Variants in ANKFN1 observed in about 807,000 individuals in gnomAD.
ANKFN1 encodes ankyrin repeat and fibronectin type-III domain-containing protein 1.
A neutral mutation model predicts 108.7 loss-of-function variants in ANKFN1; 74 were observed. The ratio of observed to expected loss-of-function variants is 0.68; its 90% CI spans 0.56 to 0.83. The LOEUF is 0.83. Among genes scored for constraint, ANKFN1 ranks in the 40% least tolerant of loss-of-function variants. The probability of loss-of-function intolerance (pLI) is 0.00; values close to 1 mark genes in which losing one functional copy is unlikely to be tolerated. For missense variants in ANKFN1, 1,505 were observed against 1,382.3 expected, an observed-to-expected ratio of 1.09 and a Z score of -1.41; for synonymous variants, 547 against 516.2, an observed-to-expected ratio of 1.06 and a Z score of -0.81.
At chr17:56,073,402 CA>C (rs1206952235) in intron 4 of ANKFN1, among the ~76,000 whole-genome samples, 2 of 152,208 alleles carry the variant, frequency 1.3e-5, no homozygotes, top group Admixed American at 6.5e-5. Context: ...CTACAATTAG[CA>C]TGTTACTTTT....
intron 4 of ANKFN1, among the ~76,000 whole-genome samples, chr17:56,104,949 G>C (rs781005850): frequency 9.9e-5 from 15 of 152,196 alleles, no homozygotes; most frequent in Non-Finnish European, 1.8e-4. Context: ...GAGAATCAAA[G>C]ATGAGTGAGA....
intron 4 of ANKFN1, among the ~76,000 whole-genome samples, chr17:56,147,470 T>C (rs534341246): frequency 3.0e-4 from 45 of 152,282 alleles, no homozygotes; most frequent in Non-Finnish European, 5.7e-4. Flanking sequence ...CTTACAATCA[T>C]GGTGGAAGAC....
chr17:56,286,858 C>T (rs2044231315), intron 3 of ANKFN1, among the ~76,000 whole-genome samples: 1 of 152,032 alleles, frequency 6.6e-6, no homozygotes, highest in Non-Finnish European at 1.5e-5. Flanking sequence ...TGTATGTATA[C>T]ATATATGTGT....
In ANKFN1 at chr17:56,513,481, T is replaced by C. The variant is rs2051832989; in HGVS notation, c.*2212T>C. On this transcript the variant is annotated 3_prime_UTR_variant, in exon 21 of 21. Coordinates refer to ENST00000682825, the MANE Select transcript of ANKFN1 (RefSeq NM_001370326.1). ...TCTAATTATAAAATGGATTACTTTGTTCAATGAGTTTGTGAGATGAGATTC... is the reference window on the plus strand; with the variant it reads ...TCTAATTATAAAATGGATTACTTTGCTCAATGAGTTTGTGAGATGAGATTC... Among the ~76,000 whole-genome samples, 1 of 152,236 alleles carries C rather than the reference T, an allele frequency of 6.6e-6. No individual in the cohort carries two copies. Among genetic ancestry groups the C allele is most frequent in the Non-Finnish European group, 1.5e-5 (1 of 68,044 alleles).
intron 15 of ANKFN1, among the ~76,000 whole-genome samples, chr17:56,466,957 AT>A (rs1410858886): frequency 3.9e-5 from 6 of 151,900 alleles, no homozygotes; most frequent in East Asian, 3.9e-4. Flanking sequence ...ATACAAAAAA[AT>A]AAATAAATAA....
intron 4 of ANKFN1, among the ~76,000 whole-genome samples, chr17:56,056,519 C>A (rs1010899066): frequency 1.3e-5 from 2 of 151,998 alleles, no homozygotes; most frequent in African/African-American, 4.8e-5. Context: ...ATATAAAGCC[C>A]AGTGCCTACA....
chr17:56,418,280 C>T (rs2048299838), intron 8 of ANKFN1, among the ~76,000 whole-genome samples: 1 of 152,096 alleles, frequency 6.6e-6, no homozygotes, highest in Non-Finnish European at 1.5e-5. Context: ...ATTTGATGTT[C>T]TTTGAGATCA....
intron 8 of ANKFN1, among the ~76,000 whole-genome samples, chr17:56,378,766 G>A (rs1281887789): frequency 6.6e-6 from 1 of 152,158 alleles, no homozygotes; most frequent in Admixed American, 6.5e-5. Flanking sequence ...GTGTTAGGGT[G>A]AAAATATGAA....
chr17:56,163,411 G>A (rs140135106), intron 1 of ANKFN1, among the ~76,000 whole-genome samples: 4 of 152,298 alleles, frequency 2.6e-5, no homozygotes, highest in East Asian at 1.9e-4. Flanking sequence ...GTCATGTAGC[G>A]GTGCAGAAAG....
At chr17:56,401,993 A>G (rs1337284512) in intron 8 of ANKFN1, among the ~76,000 whole-genome samples, 1 of 152,136 alleles carries the variant, frequency 6.6e-6, no homozygotes, top group Non-Finnish European at 1.5e-5. Flanking sequence ...GGTGTATCAC[A>G]TTTATTGACC....
At chr17:56,236,927 C>A (rs773545344) in intron 3 of ANKFN1, among the ~76,000 whole-genome samples, 1 of 152,072 alleles carries the variant, frequency 6.6e-6, no homozygotes, top group Non-Finnish European at 1.5e-5. Flanking sequence ...ATGGCTCTTA[C>A]TATTTTGAGC....
intron 3 of ANKFN1, among the ~76,000 whole-genome samples, chr17:56,246,383 T>C (rs1332891079): frequency 6.6e-6 from 1 of 152,110 alleles, no homozygotes; most frequent in Non-Finnish European, 1.5e-5. Flanking sequence ...AAGAAAATAA[T>C]ATGTTCAAAG....
chr17:56,198,190 A>T (rs1567831784), intron 1 of ANKFN1, among the ~76,000 whole-genome samples: 1 of 152,170 alleles, frequency 6.6e-6, no homozygotes, highest in Non-Finnish European at 1.5e-5. Flanking sequence ...GGAAACACTG[A>T]ATTTGATTGT....
Position 56,200,470 on chromosome 17 carries a change from A to G in ANKFN1, c.-70-12128A>G, listed in dbSNP as rs559818658. On this transcript the variant is annotated intron_variant, in intron 1 of 20. Transcript: ENST00000682825. Reference sequence around the variant, plus strand: ...AGGAGTGGTTATCAAGCATTGTTTTAGCGGTGAGGTCCTTAGAAATGAAAT... The same window carrying G: ...AGGAGTGGTTATCAAGCATTGTTTTGGCGGTGAGGTCCTTAGAAATGAAAT... Among the ~76,000 whole-genome samples, 5 of 152,360 alleles carry G rather than the reference A, an allele frequency of 3.3e-5. No homozygotes were observed. In the East Asian group the frequency reaches 9.6e-4, roughly 29 times the overall value.
intron 3 of ANKFN1, among the ~76,000 whole-genome samples, chr17:56,272,024 A>G (rs1190450191): frequency 6.6e-6 from 1 of 152,246 alleles, no homozygotes; most frequent in Non-Finnish European, 1.5e-5. Context: ...TTCTAATTAT[A>G]ATGAGCCCAG....
At chr17:56,410,713 C>A (rs1052876708) in intron 8 of ANKFN1, among the ~76,000 whole-genome samples, 2 of 152,114 alleles carry the variant, frequency 1.3e-5, no homozygotes, top group Non-Finnish European at 2.9e-5. Flanking sequence ...CCCCCACCAC[C>A]GTCTCTCTGC....
At chr17:56,110,137 C>A (rs907670470) in intron 4 of ANKFN1, among the ~76,000 whole-genome samples, 5 of 152,208 alleles carry the variant, frequency 3.3e-5, no homozygotes, top group African/African-American at 4.8e-5. Flanking sequence ...AAGAACCCGA[C>A]TGAGCCCTGC....
intron 4 of ANKFN1, among the ~76,000 whole-genome samples, chr17:56,082,039 G>A (rs951393634): frequency 6.6e-6 from 1 of 152,124 alleles, no homozygotes; most frequent in African/African-American, 2.4e-5. Context: ...TTATTTTACA[G>A]AGGCAGTGTG....
chr17:56,511,937 G>A lies in ANKFN1; in HGVS notation c.*668G>A, dbSNP rs2051787522. On this transcript the variant is annotated 3_prime_UTR_variant, in exon 21 of 21. Coordinates refer to ENST00000682825, the MANE Select transcript of ANKFN1 (RefSeq NM_001370326.1). Reference sequence around the variant, plus strand: ...TGTGTGGAGACCACCAGAAACAAAAGTGGAGAATTCTCTTTCAGCTCTACC... The same window carrying A: ...TGTGTGGAGACCACCAGAAACAAAAATGGAGAATTCTCTTTCAGCTCTACC... Among the ~76,000 whole-genome samples the A allele has an allele frequency of 6.6e-6, 1 of 152,092 alleles. No homozygotes were observed. Among genetic ancestry groups the A allele is most frequent in the African/African-American group, 2.4e-5 (1 of 41,404 alleles).
Sources: gnomAD v4.1 joint callset for allele counts (sites outside exome capture counted in the v4.1 genomes callset) on GRCh38, gnomAD v4.1.1 for gene constraint, MANE v1.5 for transcripts, NCBI Gene and HGNC (gene_info 2026-07-23, HGNC 2026-07-21) for gene names.